Variants in GPM6A observed in about 807,000 individuals in gnomAD.
GPM6A encodes the protein glycoprotein M6A.
GPM6A carries 7 observed loss-of-function variants against 32.1 expected under a neutral mutation model. That is an observed-to-expected ratio of 0.22 (90% CI 0.12 to 0.41). The LOEUF (loss-of-function observed/expected upper bound fraction) is 0.41. Among genes scored for constraint, GPM6A ranks in the 10% least tolerant of loss-of-function variants. GPM6A has a pLI of 1.00. For missense variants in GPM6A, 235 were observed against 347.2 expected, an observed-to-expected ratio of 0.68 and a Z score of 2.57; for synonymous variants, 130 against 123.4, an observed-to-expected ratio of 1.05 and a Z score of -0.35.
At position 175,666,415 on chromosome 4, in the gene GPM6A, C is replaced by T. The variant is rs140488669; in HGVS notation, c.387+7265G>A. On this transcript the variant is annotated intron_variant, in intron 3 of 6. Transcript: ENST00000393658. ...AATGGAGTCTCAATATGTTGTGAAGCGATATCTTTTGTAAAATGTTATTGA... is the reference window on the plus strand; with the variant it reads ...AATGGAGTCTCAATATGTTGTGAAGTGATATCTTTTGTAAAATGTTATTGA... 5.9e-3 allele frequency among the ~76,000 whole-genome samples: 894 copies of T among 152,028 alleles called. 6 individuals are homozygous for T. Among genetic ancestry groups the T allele is most frequent in the South Asian group, 0.015 (72 of 4,812 alleles).
intron 3 of GPM6A, among the ~76,000 whole-genome samples, chr4:175,655,138 C>A (rs1742011862): frequency 6.6e-6 from 1 of 152,060 alleles, no homozygotes; most frequent in African/African-American, 2.4e-5. Flanking sequence ...TATGTTACAG[C>A]AAATTAACAA....
intron 1 of GPM6A, among the ~76,000 whole-genome samples, chr4:175,934,887 G>A (rs1739168654): frequency 6.6e-6 from 1 of 152,040 alleles, no homozygotes; most frequent in Non-Finnish European, 1.5e-5. Flanking sequence ...CCTACAACTA[G>A]CTAAGCCAGC....
intron 1 of GPM6A, chr4:175,960,898 G>C (rs1399425315): frequency 6.6e-6 from 1 of 152,088 alleles, no homozygotes; most frequent in Non-Finnish European, 1.5e-5. Flanking sequence ...TTTCAATTTT[G>C]GAAGAATGAT....
In GPM6A at chr4:175,644,191, T is replaced by A. The variant is rs558233168; in HGVS notation, c.542-3362A>T. 1.2e-3 allele frequency among the ~76,000 whole-genome samples: 168 copies of A among 144,934 alleles called. 2 individuals are homozygous for A. The highest frequency in any genetic ancestry group is 8.0e-4 in the Non-Finnish European group (53 of 66,550). On this transcript the variant is annotated intron_variant, in intron 4 of 6. Transcript: ENST00000393658. ...CAGGCCAGACTGCAGTGGCGCTATCTCGGCTCACTGCAAGCTCCGCTTCCC... is the reference window on the plus strand; with the variant it reads ...CAGGCCAGACTGCAGTGGCGCTATCACGGCTCACTGCAAGCTCCGCTTCCC...
At chr4:175,948,958 A>AGTGTGTGT (rs34417872) in intron 1 of GPM6A, among the ~76,000 whole-genome samples, 1,619 of 144,786 alleles carry the variant, frequency 0.011, 18 homozygotes, top group Admixed American at 0.042. Flanking sequence ...TTTGGTGGTA[A>AGTGTGTGT]GTGTGTGTGT....
At chr4:175,764,232 A>G (rs1282784666) in intron 1 of GPM6A, among the ~76,000 whole-genome samples, 2 of 152,228 alleles carry the variant, frequency 1.3e-5, no homozygotes, top group Non-Finnish European at 2.9e-5. Context: ...GGATTTGCCT[A>G]TCCCGAGTAT....
chr4:175,640,629 G>C lies in GPM6A; in HGVS notation c.618+124C>G. The C allele has an allele frequency of 1.0e-5, 7 of 697,676 alleles. No homozygotes were observed. The South Asian group carries it at 1.1e-4, about 11-fold the overall frequency. 43.2% of individuals were successfully genotyped at this position (697,676 alleles called of 1,614,324 possible). A position where few individuals can be genotyped will look rare whatever the true frequency, so the allele number is the denominator to read the frequency against. On this transcript the variant is annotated intron_variant, in intron 5 of 6. Coordinates refer to ENST00000393658, the MANE Select transcript of GPM6A (RefSeq NM_201591.3). ...ACTCCTCCTGAATAACACTACTTCA[G>C]GTAAAATTGCCTCTGATAGAATAAA...
chr4:175,993,398 A>G (rs1741211675), intron 1 of GPM6A, among the ~76,000 whole-genome samples: 1 of 151,870 alleles, frequency 6.6e-6, no homozygotes, highest in African/African-American at 2.4e-5. Flanking sequence ...ATTCTTCTGA[A>G]TGTGCACTAA....
At chr4:175,710,451 C>G (rs995753204) in intron 1 of GPM6A, among the ~76,000 whole-genome samples, 1 of 152,074 alleles carries the variant, frequency 6.6e-6, no homozygotes, top group South Asian at 2.1e-4. Flanking sequence ...ACATATAAGT[C>G]GTTTTTTTCT....
In GPM6A at chr4:175,930,434, GT is replaced by G. The variant is rs66737053; in HGVS notation, c.-23+71874del. Reference sequence around the variant, plus strand: ...CTTTTCATCTGTTTTTTGGGGGGGGGTTTTTTTGTTGTTGTTTTTTTTAAGT... The same window carrying G: ...CTTTTCATCTGTTTTTTGGGGGGGGGTTTTTTGTTGTTGTTTTTTTTAAGT... On this transcript the variant is annotated intron_variant, in intron 1 of 7. Transcript: ENST00000280187. Among the ~76,000 whole-genome samples, 33 of 106,820 alleles carry G rather than the reference GT, an allele frequency of 3.1e-4. No individual in the cohort carries two copies. In the East Asian group the frequency reaches 4.5e-3, roughly 15 times the overall value. 70.1% of individuals were successfully genotyped at this position (106,820 alleles called of 152,430 possible). A position where few individuals can be genotyped will look rare whatever the true frequency, so the allele number is the denominator to read the frequency against.
intron 1 of GPM6A, among the ~76,000 whole-genome samples, chr4:175,987,902 T>C (rs1292487035): frequency 6.6e-6 from 1 of 152,170 alleles, no homozygotes; most frequent in Non-Finnish European, 1.5e-5. Context: ...CCCATTAACC[T>C]GACTGAAAAA....
chr4:175,820,656 C>T (rs546942052), intron 1 of GPM6A, among the ~76,000 whole-genome samples: 2 of 151,852 alleles, frequency 1.3e-5, no homozygotes, highest in Non-Finnish European at 2.9e-5. Flanking sequence ...TGCGCCACCA[C>T]GCCCAGCTAA....
At position 175,849,453 on chromosome 4, in the gene GPM6A, G is replaced by A. The variant is rs148890338; in HGVS notation, c.-22-37204C>T. On this transcript the variant is annotated intron_variant, in intron 1 of 7. Transcript: ENST00000280187. Reference sequence around the variant, plus strand: ...CCCAGTGCCTTGAATAGCAATGGAGGATCATTTGATGATCCACACTGGACA... The same window carrying A: ...CCCAGTGCCTTGAATAGCAATGGAGAATCATTTGATGATCCACACTGGACA... 2.9e-3 allele frequency among the ~76,000 whole-genome samples: 446 copies of A among 152,242 alleles called. 9 individuals are homozygous for A. The highest frequency in any genetic ancestry group is 4.1e-4 in the Non-Finnish European group (28 of 68,020).
intron 1 of GPM6A, among the ~76,000 whole-genome samples, chr4:175,951,557 A>G (rs1739813488): frequency 6.6e-6 from 1 of 152,192 alleles, no homozygotes; most frequent in African/African-American, 2.4e-5. Context: ...AATACCATCT[A>G]CCTTGAAAGG....
chr4:175,977,950 A>G (rs1468594890), intron 1 of GPM6A, among the ~76,000 whole-genome samples: 8 of 152,138 alleles, frequency 5.3e-5, no homozygotes, highest in Non-Finnish European at 1.2e-4. Flanking sequence ...TCCAAATACT[A>G]TGTGGTCCTA....
At chr4:175,668,152 CTTAT>C (rs1410821381) in intron 3 of GPM6A, among the ~76,000 whole-genome samples, 1 of 151,968 alleles carries the variant, frequency 6.6e-6, no homozygotes. Context: ...TTTATTTTTT[CTTAT>C]TTATTTCTTC....
Position 175,870,281 on chromosome 4 carries a change from G to A in GPM6A, c.-22-58032C>T, listed in dbSNP as rs143094514. Among the ~76,000 whole-genome samples the A allele has an allele frequency of 2.3e-3, 345 of 151,676 alleles. 1 individual carries two copies. Among genetic ancestry groups the A allele is most frequent in the African/African-American group, 8.0e-3 (329 of 41,302 alleles). On this transcript the variant is annotated intron_variant, in intron 1 of 7. Coordinates refer to the GPM6A transcript ENST00000280187. Reference sequence around the variant, plus strand: ...TTTTTTTTCAATTTTTTTCAGGGCAGTAATTCAATTCCTCAAATATCAAAC... The same window carrying A: ...TTTTTTTTCAATTTTTTTCAGGGCAATAATTCAATTCCTCAAATATCAAAC...
chr4:175,793,175 C>T (rs535237573), intron 1 of GPM6A, among the ~76,000 whole-genome samples: 2 of 152,140 alleles, frequency 1.3e-5, no homozygotes, highest in Non-Finnish European at 2.9e-5. Context: ...TGATAGAACT[C>T]CTCCAAAAAA....
chr4:175,769,262 G>A (rs1309077946), intron 1 of GPM6A, among the ~76,000 whole-genome samples: 1 of 152,132 alleles, frequency 6.6e-6, no homozygotes, highest in Non-Finnish European at 1.5e-5. Flanking sequence ...GATTTCAAAT[G>A]AGTAGCAATG....
Sources: gnomAD v4.1 joint callset for allele counts (sites outside exome capture counted in the v4.1 genomes callset) on GRCh38, gnomAD v4.1.1 for gene constraint, MANE v1.5 for transcripts, NCBI Gene and HGNC (gene_info 2026-07-23, HGNC 2026-07-21) for gene names.